C3orf70: variants seen among roughly 807,000 people sequenced by gnomAD.
The protein encoded by C3orf70 is chromosome 3 open reading frame 70.
In C3orf70, 15 loss-of-function variants were observed where a neutral mutation model predicts 20.7. That is an observed-to-expected ratio of 0.72 (90% confidence interval 0.48 to 1.11). C3orf70 has a LOEUF of 1.11. Among genes scored for constraint, C3orf70 ranks in the 50% most tolerant of loss-of-function variants. C3orf70 has a pLI of 0.00. For missense variants in C3orf70, 332 were observed against 317.6 expected (o/e 1.05, Z -0.34); for synonymous variants, 161 against 125.7 (o/e 1.28, Z -1.88).
Position 185,132,557 on chromosome 3 carries a change from A to G in C3orf70, c.196+20071T>C, listed in dbSNP as rs112716462. On this transcript the variant is annotated intron_variant, in intron 1 of 1. Transcript: ENST00000335012. ...AAGCATATCCGAAGAAATTCTCCAG[A>G]AGGCAGTATAGAGTGACAAAGAGAT... 9.0e-3 allele frequency among the ~76,000 whole-genome samples: 1,375 copies of G among 152,300 alleles called. 11 individuals carry two copies. Among genetic ancestry groups the G allele is most frequent in the Non-Finnish European group, 0.016 (1,075 of 68,014 alleles).
chr3:185,107,791 A>G (rs888416203), intron 1 of C3orf70, among the ~76,000 whole-genome samples: 2 of 152,238 alleles, frequency 1.3e-5, no homozygotes, highest in African/African-American at 4.8e-5. Context: ...CATTACAGCC[A>G]GGATTGCCTT....
chr3:185,142,814 A>T (rs1432186792), intron 1 of C3orf70, among the ~76,000 whole-genome samples: 1 of 152,172 alleles, frequency 6.6e-6, no homozygotes, highest in South Asian at 2.1e-4. Flanking sequence ...GCACAATATC[A>T]CTCATGTAAT....
intron 1 of C3orf70, among the ~76,000 whole-genome samples, chr3:185,134,225 G>T (rs945252504): frequency 1.3e-5 from 2 of 152,048 alleles, no homozygotes; most frequent in African/African-American, 2.4e-5. Context: ...TCTGGTGACA[G>T]TAACACCAAA....
chr3:185,125,429 CA>C (rs869053870), intron 1 of C3orf70, among the ~76,000 whole-genome samples: 2 of 136,160 alleles, frequency 1.5e-5, no homozygotes, highest in African/African-American at 5.6e-5. Flanking sequence ...ACAACAACAA[CA>C]AAAACCAGTT....
At chr3:185,128,391 G>A (rs1716456424) in intron 1 of C3orf70, among the ~76,000 whole-genome samples, 1 of 152,090 alleles carries the variant, frequency 6.6e-6, no homozygotes, top group Non-Finnish European at 1.5e-5. Context: ...AGCCGGGCAT[G>A]GTGGCACACG....
In C3orf70 at chr3:185,083,013, A is replaced by G. The variant is rs1470604982; in HGVS notation, c.747T>C (p.Thr249=). The change falls in exon 2 of 2, where the codon ACT becomes ACC. Residue 249 remains threonine (T), a synonymous_variant. Transcript: ENST00000335012. ...DLEVIETIET[T]V ...TGGCTTCCTGTCTGGACTCTCACAC[A>G]GTCGTTTCTATCGTTTCAATCACTT... 6.2e-7 allele frequency: 1 copy of G among 1,613,156 alleles called. No homozygotes were observed. The highest frequency in any genetic ancestry group is 8.5e-7 in the Non-Finnish European group (1 of 1,179,504).
At chr3:185,121,653 GTA>G (rs1462347353) in intron 1 of C3orf70, among the ~76,000 whole-genome samples, 1 of 152,148 alleles carries the variant, frequency 6.6e-6, no homozygotes, top group East Asian at 1.9e-4. Flanking sequence ...GAGAGAGAGT[GTA>G]ATGAGACATG....
At chr3:185,102,042 C>T (rs1221600448) in intron 1 of C3orf70, among the ~76,000 whole-genome samples, 1 of 152,110 alleles carries the variant, frequency 6.6e-6, no homozygotes, top group Non-Finnish European at 1.5e-5. Context: ...CTTACCACTC[C>T]TATTCAACAT....
At position 185,077,597 on chromosome 3, in the gene C3orf70, A is replaced by G. The variant is rs16859579; in HGVS notation, c.*5410T>C. ...CCCTTGAAGCTGTTCTTTTCTGAGT[A>G]TGGACTTGCCGCGCTGAGGCCTGGC... On this transcript the variant is annotated 3_prime_UTR_variant, in exon 2 of 2. Transcript: ENST00000335012. 0.018 allele frequency among the ~76,000 whole-genome samples: 2,702 copies of G among 152,180 alleles called. 78 individuals are homozygous for G. Among genetic ancestry groups the G allele is most frequent in the African/African-American group, 0.062 (2,586 of 41,516 alleles).
Position 185,078,778 on chromosome 3 carries a change from A to C in C3orf70, c.*4229T>G, listed in dbSNP as rs150867358. 7.5e-4 allele frequency: 114 copies of C among 152,348 alleles called. 1 individual carries two copies. The highest frequency in any genetic ancestry group is 2.6e-3 in the African/African-American group (108 of 41,578). The allele number at this position is 152,348 out of a possible 1,614,324, so 9.4% of individuals were successfully genotyped here. A position where few individuals can be genotyped will look rare whatever the true frequency, so the allele number is the denominator to read the frequency against. ...AAAATTTTGCAAACAAGATGTGGGA[A>C]TATTAAGAGCTGACTGTAGAAATAT... is the stretch of plus-strand genomic sequence containing the variant. On this transcript the variant is annotated 3_prime_UTR_variant, in exon 2 of 2. Transcript: ENST00000335012.
intron 1 of C3orf70, among the ~76,000 whole-genome samples, chr3:185,152,141 A>G (rs1716999451): frequency 6.6e-6 from 1 of 152,156 alleles, no homozygotes; most frequent in Non-Finnish European, 1.5e-5. Context: ...GGGGGAAACA[A>G]TTGGATATCC....
At chr3:185,147,992 T>C (rs1716910465) in intron 1 of C3orf70, among the ~76,000 whole-genome samples, 1 of 152,204 alleles carries the variant, frequency 6.6e-6, no homozygotes, top group Non-Finnish European at 1.5e-5. Context: ...AATACCATAT[T>C]TTCCAGATTT....
In C3orf70 at chr3:185,081,821, A is replaced by C. The variant is rs1715344290; in HGVS notation, c.*1186T>G. 6.6e-6 allele frequency: 1 copy of C among 152,638 alleles called. No homozygotes were observed. Among genetic ancestry groups the C allele is most frequent in the Non-Finnish European group, 1.5e-5 (1 of 68,038 alleles). 9.5% of individuals were successfully genotyped at this position (152,638 alleles called of 1,614,324 possible). A position where few individuals can be genotyped will look rare whatever the true frequency, so the allele number is the denominator to read the frequency against. The stretch of plus-strand genomic sequence containing the variant: ...CCTGACTTAGCAGCAAACTATTTCA[A>C]CTGCTTTTGCAGCTGCATAAAAATC... On this transcript the variant is annotated 3_prime_UTR_variant, in exon 2 of 2. Transcript: ENST00000335012.
rs1716072134 is a variant in C3orf70 at position 185,111,504 on chromosome 3, T to C, written c.197-27941A>G. ...AACACATCATTAGCCATTAGATAAA[T>C]GCAAAACAAAACCGCAATGAGCTAC... On this transcript the variant is annotated intron_variant, in intron 1 of 1. Transcript: ENST00000335012. Among the ~76,000 whole-genome samples, 6 of 152,142 alleles carry C rather than the reference T, an allele frequency of 3.9e-5. No individual in the cohort carries two copies. The South Asian group carries it at 1.2e-3, about 31-fold the overall frequency.
intron 1 of C3orf70, among the ~76,000 whole-genome samples, chr3:185,120,033 A>AAG (rs1553920937): frequency 4.0e-5 from 4 of 100,784 alleles, no homozygotes; most frequent in Non-Finnish European, 5.3e-5. Flanking sequence ...AAAAAAAAAA[A>AAG]AAAAAGAAAA....
At chr3:185,112,160 G>A (rs984496896) in intron 1 of C3orf70, among the ~76,000 whole-genome samples, 2 of 152,082 alleles carry the variant, frequency 1.3e-5, no homozygotes, top group East Asian at 3.9e-4. Flanking sequence ...AGGTGTGGTG[G>A]GCGCCTGTAA....
chr3:185,115,325 G>A (rs1220431332), intron 1 of C3orf70, among the ~76,000 whole-genome samples: 3 of 152,032 alleles, frequency 2.0e-5, no homozygotes, highest in African/African-American at 7.2e-5. Context: ...CACAATAAAA[G>A]TACACAAACC....
In C3orf70 at chr3:185,083,242, C is replaced by G; in HGVS notation, c.518G>C (p.Ser173Thr). ...SAHDALISKE[S>T]NTPKIDHCSS... ...GCAGTGATCTATTTTTGGTGTATTG[C>G]TCTCTTTTGAAATTAAGGCATCGTG... is the stretch of plus-strand genomic sequence containing the variant. The change falls in exon 2 of 2, where the codon AGC becomes ACC. Residue 173 changes from serine to threonine, a missense_variant. By Grantham distance (58) the Ser-to-Thr change is moderately conservative. Transcript: ENST00000335012. 2 of 1,614,190 alleles carry G rather than the reference C, an allele frequency of 1.2e-6. No individual in the cohort carries two copies. Among genetic ancestry groups the G allele is most frequent in the East Asian group, 2.2e-5 (1 of 44,892 alleles).
At chr3:185,144,635 C>T (rs905756451) in intron 1 of C3orf70, among the ~76,000 whole-genome samples, 7 of 152,184 alleles carry the variant, frequency 4.6e-5, no homozygotes, top group African/African-American at 1.7e-4. Context: ...CCATGCCCAG[C>T]TAATTTTTGT....
Sources: gnomAD v4.1 joint callset for allele counts (sites outside exome capture counted in the v4.1 genomes callset) on GRCh38, gnomAD v4.1.1 for gene constraint, MANE v1.5 for transcripts, NCBI Gene and HGNC (gene_info 2026-07-23, HGNC 2026-07-21) for gene names.